SGCD: variants seen among roughly 807,000 people sequenced by gnomAD.
The protein encoded by SGCD is sarcoglycan delta, also known as delta-sarcoglycan.
Under a neutral mutation model 36.6 loss-of-function variants are expected in SGCD, and 18 were observed. The observed-to-expected ratio is 0.49, with a 90% CI of 0.34 to 0.73. The LOEUF is 0.73. Among genes scored for constraint, SGCD ranks in the 30% least tolerant of loss-of-function variants. SGCD has a pLI of 0.01. For missense variants in SGCD, 387 were observed against 346.7 expected, an observed-to-expected ratio of 1.12 and a Z score of -0.92; for synonymous variants, 133 against 130.6, an observed-to-expected ratio of 1.02 and a Z score of -0.12.
chr5:155,966,262 G>C (rs1031516322), intron 1 of SGCD, among the ~76,000 whole-genome samples: 4 of 152,082 alleles, frequency 2.6e-5, no homozygotes, highest in Non-Finnish European at 5.9e-5. Flanking sequence ...ATATACTCCA[G>C]TCTCAGAACT....
chr5:156,122,670 A>G (rs887988633), intron 2 of SGCD, among the ~76,000 whole-genome samples: 8 of 151,788 alleles, frequency 5.3e-5, no homozygotes, highest in Admixed American at 1.3e-4. Flanking sequence ...CTTTATGGCC[A>G]TTGCAACAAC....
At chr5:156,520,030 A>G (rs1757334195) in intron 4 of SGCD, among the ~76,000 whole-genome samples, 1 of 152,172 alleles carries the variant, frequency 6.6e-6, no homozygotes, top group Admixed American at 6.5e-5. Flanking sequence ...GTCCACCAAG[A>G]GAAAGAAATA....
At chr5:155,997,507 A>G (rs1292580201) in intron 1 of SGCD, among the ~76,000 whole-genome samples, 1 of 152,254 alleles carries the variant, frequency 6.6e-6, no homozygotes, top group South Asian at 2.1e-4. Context: ...GTTTGTCATC[A>G]TGAAATACAT....
rs1443763031 is a variant in SGCD, at chr5:156,558,119, ATATATT to A, written c.295-31111_295-31106del. On this transcript the variant is annotated intron_variant, in intron 4 of 8. Transcript: ENST00000337851. ...TATATATATATATATATATATATAT[ATATATT>A]ATTTAACTCTCTTTTAAAGGCAGTT... 6.1e-3 allele frequency among the ~76,000 whole-genome samples: 764 copies of A among 124,392 alleles called. 21 individuals are homozygous for A. Among genetic ancestry groups the A allele is most frequent in the South Asian group, 0.021 (80 of 3,742 alleles). 81.6% of individuals were successfully genotyped at this position (124,392 alleles called of 152,430 possible).
In SGCD at chr5:156,069,869, G is replaced by A. The variant is rs564282077; in HGVS notation, c.-281-48009G>A. 5.3e-5 allele frequency among the ~76,000 whole-genome samples: 8 copies of A among 152,066 alleles called. No homozygotes were observed. In the South Asian group the frequency reaches 1.5e-3, roughly 28 times the overall value. ...ACGTCCCTTGTAAGTTGGATTCCTAGGTATTTTATTCTCTTTGAAGCAATT... is the reference window on the plus strand; with the variant it reads ...ACGTCCCTTGTAAGTTGGATTCCTAAGTATTTTATTCTCTTTGAAGCAATT... On this transcript the variant is annotated intron_variant, in intron 1 of 9. Coordinates refer to the SGCD transcript ENST00000517913.
intron 3 of SGCD, among the ~76,000 whole-genome samples, chr5:156,419,901 T>C (rs1773222061): frequency 6.6e-6 from 1 of 152,112 alleles, no homozygotes; most frequent in Non-Finnish European, 1.5e-5. Flanking sequence ...AGAATAAGCT[T>C]GTAAAATCAC....
chr5:155,866,132 TA>T (rs1755520226), upstream of SGCD, among the ~76,000 whole-genome samples: 1 of 152,144 alleles, frequency 6.6e-6, no homozygotes, highest in Non-Finnish European at 1.5e-5. Context: ...CAGAGAGTAT[TA>T]AAAAGATTAG....
chr5:156,453,097 G>T (rs1011936792), intron 3 of SGCD, among the ~76,000 whole-genome samples: 1 of 152,112 alleles, frequency 6.6e-6, no homozygotes, highest in Non-Finnish European at 1.5e-5. Flanking sequence ...ATGTGTCCTA[G>T]AGAAGACAAA....
chr5:156,595,717 G>A (rs999186345), intron 6 of SGCD, among the ~76,000 whole-genome samples: 4 of 152,234 alleles, frequency 2.6e-5, no homozygotes, highest in African/African-American at 9.6e-5. Context: ...ACATGATGCA[G>A]TGATTCCTAA....
chr5:156,474,867 C>G (rs1561719406), intron 3 of SGCD, among the ~76,000 whole-genome samples: 1 of 152,038 alleles, frequency 6.6e-6, no homozygotes, highest in Non-Finnish European at 1.5e-5. Context: ...CTTCCTAGTT[C>G]TTGGACCTTG....
chr5:156,367,461 G>A (rs1770163543), intron 3 of SGCD, among the ~76,000 whole-genome samples: 1 of 152,186 alleles, frequency 6.6e-6, no homozygotes, highest in Admixed American at 6.5e-5. Flanking sequence ...AAAATAATAG[G>A]CAGAAAGCAC....
chr5:155,885,973 G>C (rs1470396031), intron 1 of SGCD, among the ~76,000 whole-genome samples: 1 of 152,116 alleles, frequency 6.6e-6, no homozygotes, highest in Non-Finnish European at 1.5e-5. Context: ...AACATAAAAG[G>C]TATAAACAAT....
At chr5:156,072,053 C>T (rs1298687295) in intron 1 of SGCD, among the ~76,000 whole-genome samples, 1 of 152,164 alleles carries the variant, frequency 6.6e-6, no homozygotes, top group Non-Finnish European at 1.5e-5. Context: ...TTCCTCAATA[C>T]AGCACACTGA....
intron 1 of SGCD, among the ~76,000 whole-genome samples, chr5:155,912,476 G>T (rs967242074): frequency 6.6e-6 from 1 of 152,216 alleles, no homozygotes; most frequent in Non-Finnish European, 1.5e-5. Context: ...TGTCCAAATG[G>T]CATTCGAAAC....
chr5:156,209,197 C>T (rs1458531651), intron 3 of SGCD, among the ~76,000 whole-genome samples: 1 of 152,212 alleles, frequency 6.6e-6, no homozygotes, highest in Non-Finnish European at 1.5e-5. Context: ...GGCTTTTAGT[C>T]TGCACAGAGG....
At chr5:156,471,628 C>T (rs936510548) in intron 3 of SGCD, among the ~76,000 whole-genome samples, 5 of 152,034 alleles carry the variant, frequency 3.3e-5, no homozygotes, top group Admixed American at 1.3e-4. Flanking sequence ...CTCTACCTTA[C>T]ACTATACAAA....
chr5:156,681,105 A>T (rs1161040408), intron 7 of SGCD, among the ~76,000 whole-genome samples: 3 of 152,220 alleles, frequency 2.0e-5, no homozygotes, highest in Non-Finnish European at 4.4e-5. Context: ...AGTGCCAATC[A>T]GATCAGTAGG....
At chr5:155,924,662 C>T (rs1180563840) in intron 1 of SGCD, among the ~76,000 whole-genome samples, 4 of 152,062 alleles carry the variant, frequency 2.6e-5, no homozygotes, top group South Asian at 2.1e-4. Context: ...AATTGAGAAT[C>T]GGAGAATATG....
intron 3 of SGCD, among the ~76,000 whole-genome samples, chr5:156,488,962 A>G (rs1755822175): frequency 6.6e-6 from 1 of 152,102 alleles, no homozygotes; most frequent in Non-Finnish European, 1.5e-5. Context: ...AATAATAACT[A>G]TATGCTACCT....
Sources: allele counts gnomAD v4.1 joint callset (sites outside exome capture counted in the v4.1 genomes callset), GRCh38; gene constraint gnomAD v4.1.1; transcripts MANE v1.5; gene names NCBI Gene and HGNC (gene_info 2026-07-23, HGNC 2026-07-21).